GTF2E1: variants seen among roughly 807,000 people sequenced by gnomAD.
The protein encoded by GTF2E1 is general transcription factor IIE subunit 1.
A neutral mutation model predicts 34.9 loss-of-function variants in GTF2E1; 14 were observed. The observed-to-expected ratio is 0.40, with a 90% CI of 0.27 to 0.63. GTF2E1 has a LOEUF of 0.63. Ranked by LOEUF, GTF2E1 falls within the 20% of genes least tolerant of loss-of-function variation. The pLI, the probability that GTF2E1 is intolerant of heterozygous loss-of-function variation, is 0.39. For missense variants in GTF2E1, 469 were observed against 557.7 expected (o/e 0.84, Z 1.60); for synonymous variants, 188 against 192.9 (o/e 0.97, Z 0.21).
chr3:120,781,667 C>A lies in GTF2E1; in HGVS notation c.*197C>A, dbSNP rs919536186. 5.1e-6 allele frequency: 3 copies of A among 583,400 alleles called. No homozygotes were observed. Among genetic ancestry groups the A allele is most frequent in the Non-Finnish European group, 9.2e-6 (3 of 327,698 alleles). The allele number at this position is 583,400 out of a possible 1,614,324, so 36.1% of individuals were successfully genotyped here. A position where few individuals can be genotyped will look rare whatever the true frequency, so the allele number is the denominator to read the frequency against. ...CAAGGTAGGGTGCTGAGAATCCTAC[C>A]CTTCCTTGCTGTCACTACAGTATTA... On this transcript the variant is annotated 3_prime_UTR_variant, in exon 5 of 5. Coordinates refer to ENST00000283875, the MANE Select transcript of GTF2E1 (RefSeq NM_005513.3).
intron 1 of GTF2E1, among the ~76,000 whole-genome samples, chr3:120,746,733 A>C (rs114841696): frequency 3.7e-4 from 56 of 152,322 alleles, no homozygotes; most frequent in Middle Eastern, 3.4e-3. Context: ...CAGGAGGTTG[A>C]GACTGCACTG....
Position 120,750,837 on chromosome 3 carries a change from T to C in GTF2E1, c.285T>C (p.Asn95=). ...CTCGCCATAACTACTACTTCATCAA[T>C]TATCGTACTCTTGTTAATGTGGTAA... ...KTTRHNYYFI[N]YRTLVNVVKY... The change falls in exon 2 of 5, where the codon AAT becomes AAC. Residue 95 remains asparagine (N), a synonymous_variant. Transcript: ENST00000283875. 3 of 1,614,058 alleles carry C rather than the reference T, an allele frequency of 1.9e-6. No homozygotes were observed. The highest frequency in any genetic ancestry group is 1.7e-6 in the Non-Finnish European group (2 of 1,179,960).
intron 2 of GTF2E1, among the ~76,000 whole-genome samples, chr3:120,767,248 C>T (rs1327961970): frequency 6.6e-6 from 1 of 151,984 alleles, no homozygotes; most frequent in Non-Finnish European, 1.5e-5. Context: ...GCTTTTTTTC[C>T]TGGACTATCA....
chr3:120,779,364 T>C (rs765564376), intron 4 of GTF2E1, among the ~76,000 whole-genome samples: 15 of 152,220 alleles, frequency 9.9e-5, no homozygotes, highest in Non-Finnish European at 1.6e-4. Context: ...TTCTTTCTGT[T>C]GTAGTGCTGC....
In GTF2E1 at chr3:120,756,299, T is replaced by C. The variant is rs1428994123; in HGVS notation, c.448+5299T>C. On this transcript the variant is annotated intron_variant, in intron 2 of 4. Transcript: ENST00000283875. ...TATTGCCAGGACAGGAGGTATCTTA[T>C]AAGCAGTGTTTTCAATTCCTGAAGT... is the stretch of plus-strand genomic sequence containing the variant. 2.6e-5 allele frequency among the ~76,000 whole-genome samples: 4 copies of C among 152,150 alleles called. No homozygotes were observed. The East Asian group carries it at 7.7e-4, about 29-fold the overall frequency.
chr3:120,779,104 A>G (rs1340286050), intron 4 of GTF2E1, among the ~76,000 whole-genome samples: 1 of 152,122 alleles, frequency 6.6e-6, no homozygotes, highest in East Asian at 1.9e-4. Flanking sequence ...AAATTTGCTC[A>G]TTTATCCTTG....
intron 4 of GTF2E1, among the ~76,000 whole-genome samples, chr3:120,780,543 A>G (rs1272556210): frequency 6.6e-6 from 1 of 152,208 alleles, no homozygotes; most frequent in Non-Finnish European, 1.5e-5. Context: ...AGTAAGAGGT[A>G]GATGATCAGG....
chr3:120,760,718 G>A (rs933579669), intron 2 of GTF2E1, among the ~76,000 whole-genome samples: 44 of 152,072 alleles, frequency 2.9e-4, no homozygotes, highest in Non-Finnish European at 1.0e-4. Flanking sequence ...TTTATGTGAT[G>A]GATTACATTT....
intron 1 of GTF2E1, among the ~76,000 whole-genome samples, chr3:120,747,815 A>T (rs1007074357): frequency 2.0e-5 from 3 of 152,232 alleles, no homozygotes; most frequent in African/African-American, 2.4e-5. Context: ...TCCCTGAGGA[A>T]TCGCCACACT....
At chr3:120,747,776 C>T (rs1347685504) in intron 1 of GTF2E1, among the ~76,000 whole-genome samples, 3 of 152,290 alleles carry the variant, frequency 2.0e-5, no homozygotes, top group East Asian at 1.9e-4. Flanking sequence ...AATGGGATGG[C>T]TGGGTCAAAT....
chr3:120,765,063 C>CT (rs1709296055), intron 2 of GTF2E1, among the ~76,000 whole-genome samples: 1 of 123,486 alleles, frequency 8.1e-6, no homozygotes, highest in Non-Finnish European at 1.7e-5. Context: ...TTTGCTTTTA[C>CT]TTTTTTTATT....
intron 3 of GTF2E1, 111 bp downstream of exon 3, chr3:120,771,040 G>T: frequency 1.2e-6 from 1 of 826,256 alleles, no homozygotes; most frequent in South Asian, 1.5e-5. Flanking sequence ...ACTCAAGACT[G>T]TAATGTTACG....
At chr3:120,748,365 A>G (rs1365101722) in intron 1 of GTF2E1, among the ~76,000 whole-genome samples, 2 of 152,116 alleles carry the variant, frequency 1.3e-5, no homozygotes, top group African/African-American at 4.8e-5. Context: ...GTTTTCTTCT[A>G]GGGTTTTTAT....
Position 120,776,656 on chromosome 3 carries a change from T to C in GTF2E1, c.884T>C (p.Met295Thr), listed in dbSNP as rs115126115. Residue 295 changes from methionine to threonine, a missense_variant, in exon 4 of 5, where the codon ATG (methionine) becomes ACG (threonine). By Grantham distance (81) the Met-to-Thr change is moderately conservative. Coordinates refer to ENST00000283875, the MANE Select transcript of GTF2E1 (RefSeq NM_005513.3). ...TVQGAYGSED[M>T]KEGGIDMDAF... ...CAAGGGGCATATGGTTCTGAAGATATGAAAGAAGGTAAGAGTAGAAGTCAG... is the reference window on the plus strand; with the variant it reads ...CAAGGGGCATATGGTTCTGAAGATACGAAAGAAGGTAAGAGTAGAAGTCAG... 3.5e-4 allele frequency: 560 copies of C among 1,612,844 alleles called. No individual in the cohort carries two copies. In the African/African-American group the frequency reaches 4.6e-3, roughly 13 times the overall value.
rs1242804641 is a variant in GTF2E1 at position 120,782,264 on chromosome 3, G to A, written c.*794G>A. The stretch of plus-strand genomic sequence containing the variant: ...AATTTGAGCATTTCCTCAAAATTGA[G>A]ATGGATCAATATGTAAGGGGAGGTG... On this transcript the variant is annotated 3_prime_UTR_variant, in exon 5 of 5. Coordinates refer to ENST00000283875, the MANE Select transcript of GTF2E1 (RefSeq NM_005513.3). 6.6e-6 allele frequency: 1 copy of A among 152,180 alleles called. No homozygotes were observed. The highest frequency in any genetic ancestry group is 2.4e-5 in the African/African-American group (1 of 41,444). 9.4% of individuals were successfully genotyped at this position (152,180 alleles called of 1,614,324 possible).
intron 3 of GTF2E1, among the ~76,000 whole-genome samples, chr3:120,772,345 G>A (rs541113212): frequency 2.0e-4 from 31 of 152,258 alleles, no homozygotes; most frequent in African/African-American, 7.0e-4. Flanking sequence ...ACTGGGGAAG[G>A]TCCCAGAGTT....
At chr3:120,750,454 T>C (rs1339850393) in intron 1 of GTF2E1, 69 bp from the exon 2 acceptor site, 6 of 909,078 alleles carry the variant, frequency 6.6e-6, no homozygotes, top group Non-Finnish European at 8.6e-6. Context: ...TTTCTGGCAC[T>C]GCAAGGATAG....
At chr3:120,773,698 G>A (rs1404378576) in intron 3 of GTF2E1, among the ~76,000 whole-genome samples, 1 of 151,990 alleles carries the variant, frequency 6.6e-6, no homozygotes, top group Non-Finnish European at 1.5e-5. Context: ...TCATCTCTGA[G>A]TAAGAGTTGT....
rs1709448752 is a variant in GTF2E1 at position 120,781,608 on chromosome 3, G to A, written c.*138G>A. ...CATCCTTGTGCAAAGATTGATGGTA[G>A]AGAGTTTGACTTTTATGCCAGAAAC... On this transcript the variant is annotated 3_prime_UTR_variant, in exon 5 of 5. Coordinates refer to ENST00000283875, the MANE Select transcript of GTF2E1 (RefSeq NM_005513.3). 1 of 684,524 alleles carries A rather than the reference G, an allele frequency of 1.5e-6. No individual in the cohort carries two copies. The highest frequency in any genetic ancestry group is 1.8e-5 in the African/African-American group (1 of 55,270). 42.4% of individuals were successfully genotyped at this position (684,524 alleles called of 1,614,324 possible). A position where few individuals can be genotyped will look rare whatever the true frequency, so the allele number is the denominator to read the frequency against.
Sources: gnomAD v4.1 joint callset for allele counts (sites outside exome capture counted in the v4.1 genomes callset) on GRCh38, gnomAD v4.1.1 for gene constraint, MANE v1.5 for transcripts, NCBI Gene and HGNC (gene_info 2026-07-23, HGNC 2026-07-21) for gene names.